TENM3: variants seen among roughly 807,000 people sequenced by gnomAD.
The protein encoded by TENM3 is teneurin-3.
In TENM3, 63 loss-of-function variants were observed where a neutral mutation model predicts 255.1. That is an observed-to-expected ratio of 0.25 (90% CI 0.20 to 0.30). The LOEUF is 0.30. TENM3 is among the 10% of genes least tolerant of loss of function. TENM3 has a pLI of 1.00. For synonymous variants in TENM3, 1,306 were observed against 1,322.3 expected (o/e 0.99, Z 0.27); for missense variants, 2,929 against 3,461.1 (o/e 0.85, Z 3.86).
intron 4 of TENM3, among the ~76,000 whole-genome samples, chr4:182,610,805 A>ATGCTG (rs1355375707): frequency 7.0e-6 from 1 of 143,358 alleles, no homozygotes; most frequent in Non-Finnish European, 1.5e-5. Flanking sequence ...ATGCAGTGGT[A>ATGCTG]TGATCACAGC....
At chr4:182,286,942 T>C (rs1760772373) in intron 1 of TENM3, among the ~76,000 whole-genome samples, 1 of 152,102 alleles carries the variant, frequency 6.6e-6, no homozygotes, top group Admixed American at 6.6e-5. Flanking sequence ...TAAAATAAAA[T>C]GCAGACCAGG....
chr4:182,763,048 G>A (rs1448814196), intron 22 of TENM3, among the ~76,000 whole-genome samples: 3 of 152,222 alleles, frequency 2.0e-5, no homozygotes, highest in South Asian at 2.1e-4. Flanking sequence ...CCTTTGTAGC[G>A]CTCTCTAAAA....
chr4:182,187,438 G>A (rs1753235289), intron 1 of TENM3, among the ~76,000 whole-genome samples: 1 of 152,146 alleles, frequency 6.6e-6, no homozygotes. Flanking sequence ...TTGAGTCAAA[G>A]GAGGTTAAAA....
At chr4:182,772,278 C>CT (rs1336011823) in intron 22 of TENM3, among the ~76,000 whole-genome samples, 4 of 152,084 alleles carry the variant, frequency 2.6e-5, no homozygotes, top group African/African-American at 4.8e-5. Context: ...ACTCAAGTAC[C>CT]TTTTTTACTC....
chr4:181,930,092 C>A, the TENM3 span, among the ~76,000 whole-genome samples: 1 of 151,960 alleles, frequency 6.6e-6, no homozygotes, highest in Non-Finnish European at 1.5e-5. Flanking sequence ...AAATCGACAC[C>A]CTAACATCAC....
intron 1 of TENM3, among the ~76,000 whole-genome samples, chr4:182,161,388 C>T (rs1447772288): frequency 1.9e-5 from 2 of 105,750 alleles, no homozygotes; most frequent in Admixed American, 1.1e-4. Context: ...TGCACTCCAG[C>T]CTGGGCGACA....
the TENM3 span, among the ~76,000 whole-genome samples, chr4:182,115,297 A>G: frequency 1.3e-5 from 2 of 152,224 alleles, no homozygotes; most frequent in African/African-American, 4.8e-5. Flanking sequence ...TATTTCACAT[A>G]CTACCCTTGG....
intron 1 of TENM3, among the ~76,000 whole-genome samples, chr4:182,246,097 A>G (rs1757625105): frequency 6.6e-6 from 1 of 152,122 alleles, no homozygotes; most frequent in Admixed American, 6.5e-5. Context: ...CCGCTATGGC[A>G]GAGGGTGGCA....
chr4:181,709,015 G>A, the TENM3 span, among the ~76,000 whole-genome samples: 1 of 152,194 alleles, frequency 6.6e-6, no homozygotes, highest in Admixed American at 6.6e-5. Context: ...GTCAATTGGA[G>A]TAAGCAGAAT....
chr4:182,420,781 G>A (rs1258883131), intron 3 of TENM3, among the ~76,000 whole-genome samples: 1 of 152,128 alleles, frequency 6.6e-6, no homozygotes, highest in Non-Finnish European at 1.5e-5. Flanking sequence ...AACATGCTGG[G>A]TTAGTCATAA....
At chr4:182,054,135 G>T in the TENM3 span, among the ~76,000 whole-genome samples, 2 of 152,074 alleles carry the variant, frequency 1.3e-5, no homozygotes, top group Admixed American at 6.5e-5. Flanking sequence ...CATCTTCCAT[G>T]TGCTCCAGCC....
the TENM3 span, among the ~76,000 whole-genome samples, chr4:181,680,836 C>T: frequency 6.6e-5 from 10 of 151,976 alleles, no homozygotes; most frequent in African/African-American, 2.4e-4. Context: ...ATTGACTTTA[C>T]GTTTTCCAAA....
intron 22 of TENM3, among the ~76,000 whole-genome samples, chr4:182,759,283 T>C (rs1762955788): frequency 1.3e-5 from 2 of 152,306 alleles, no homozygotes; most frequent in South Asian, 4.1e-4. Context: ...CAACAGCTAT[T>C]TGTTGAATGA....
At chr4:182,558,928 A>AT (rs879642376) in intron 3 of TENM3, among the ~76,000 whole-genome samples, 4 of 152,144 alleles carry the variant, frequency 2.6e-5, no homozygotes, top group Non-Finnish European at 4.4e-5. Context: ...AATAATCCAA[A>AT]TGCCCATGCT....
chr4:182,271,489 A>G (rs1204865346), intron 1 of TENM3, among the ~76,000 whole-genome samples: 1 of 152,134 alleles, frequency 6.6e-6, no homozygotes, highest in Non-Finnish European at 1.5e-5. Context: ...CCAGTTGTGC[A>G]TTTCAATTCT....
chr4:182,171,041 A>G (rs1476561425), intron 1 of TENM3, among the ~76,000 whole-genome samples: 2 of 152,214 alleles, frequency 1.3e-5, no homozygotes, highest in African/African-American at 4.8e-5. Context: ...TAAAAATCAA[A>G]GAAATTTTAT....
chr4:181,991,429 G>A, the TENM3 span, among the ~76,000 whole-genome samples: 1 of 152,168 alleles, frequency 6.6e-6, no homozygotes, highest in East Asian at 1.9e-4. Flanking sequence ...TTTCCGCCTA[G>A]TTGTTGTTTT....
the TENM3 span, among the ~76,000 whole-genome samples, chr4:181,721,697 G>A: frequency 6.6e-6 from 1 of 151,474 alleles, no homozygotes; most frequent in Admixed American, 6.6e-5. Context: ...GTCAAACCTA[G>A]GTAGGGATAG....
intron 1 of TENM3, among the ~76,000 whole-genome samples, chr4:182,303,169 A>G (rs1374871389): frequency 6.6e-6 from 1 of 152,120 alleles, no homozygotes; most frequent in African/African-American, 2.4e-5. Context: ...CCCAGGGAGA[A>G]TCTGTTTTGC....
Sources: gnomAD v4.1 joint callset for allele counts (sites outside exome capture counted in the v4.1 genomes callset) on GRCh38, gnomAD v4.1.1 for gene constraint, MANE v1.5 for transcripts, NCBI Gene and HGNC (gene_info 2026-07-23, HGNC 2026-07-21) for gene names.